The following GABRB3 variants were observed in gnomAD, a reference collection of about 807,000 sequenced individuals.
The protein encoded by GABRB3 is gamma-aminobutyric acid type A receptor subunit beta3, also known as gamma-aminobutyric acid receptor subunit beta-3.
A neutral mutation model predicts 52.1 loss-of-function variants in GABRB3; 14 were observed. The ratio of observed to expected loss-of-function variants is 0.27; its 90% CI spans 0.18 to 0.42. The LOEUF is 0.42. Among genes scored for constraint, GABRB3 ranks in the 10% least tolerant of loss-of-function variants. The pLI, the probability that GABRB3 is intolerant of heterozygous loss-of-function variation, is 1.00. For missense variants in GABRB3, 307 were observed against 609.1 expected, an observed-to-expected ratio of 0.50 and a Z score of 5.22; for synonymous variants, 260 against 232.3, an observed-to-expected ratio of 1.12 and a Z score of -1.08.
At chr15:26,624,314 C>T in intron 3 of GABRB3, 1 of 985,612 alleles carries the variant, frequency 1.0e-6, no homozygotes, top group Non-Finnish European at 1.2e-6. Context: ...TCTCTACTAT[C>T]ACCCTCCATG....
chr15:26,546,260 T>C lies in GABRB3; in HGVS notation c.*1533A>G, dbSNP rs1260902363. The C allele has an allele frequency of 3.9e-5, 6 of 152,660 alleles. No individual in the cohort carries two copies. The highest frequency in any genetic ancestry group is 1.4e-4 in the African/African-American group (6 of 41,462). The allele number at this position is 152,660 out of a possible 1,614,324, so 9.5% of individuals were successfully genotyped here. A position where few individuals can be genotyped will look rare whatever the true frequency, so the allele number is the denominator to read the frequency against. On this transcript the variant is annotated 3_prime_UTR_variant, in exon 9 of 9. Coordinates refer to ENST00000311550, the MANE Select transcript of GABRB3 (RefSeq NM_000814.6). ...GCACAACTGTAGTCATTTCAGTTTA[T>C]GGATGCCTGTGATAGAAATATTGTT...
chr15:26,728,105 A>C (rs1312453332), intron 3 of GABRB3, among the ~76,000 whole-genome samples: 2 of 152,194 alleles, frequency 1.3e-5, no homozygotes, highest in Non-Finnish European at 2.9e-5. Context: ...CTGCATCTAA[A>C]GGTAACATTT....
chr15:26,770,258 C>T (rs1477962412), intron 3 of GABRB3, among the ~76,000 whole-genome samples: 2 of 152,092 alleles, frequency 1.3e-5, no homozygotes, highest in African/African-American at 2.4e-5. Flanking sequence ...TACTGGGATC[C>T]TCAATATTTG....
chr15:26,661,840 C>T (rs1286632524), intron 3 of GABRB3, among the ~76,000 whole-genome samples: 4 of 151,990 alleles, frequency 2.6e-5, no homozygotes, highest in Non-Finnish European at 5.9e-5. Flanking sequence ...GTCCTCAGGC[C>T]GAAGTACTGC....
intron 3 of GABRB3, among the ~76,000 whole-genome samples, chr15:26,711,271 C>T (rs718304): frequency 0.068 from 10,393 of 152,138 alleles, 629 homozygotes; most frequent in East Asian, 0.37. Flanking sequence ...ATGAGGATGT[C>T]GGCTGGTCTT....
intron 3 of GABRB3, among the ~76,000 whole-genome samples, chr15:26,718,553 C>T (rs1325749112): frequency 2.6e-5 from 4 of 152,246 alleles, no homozygotes; most frequent in South Asian, 2.1e-4. Context: ...TCCATACTAA[C>T]GCTGCAAAAC....
chr15:26,597,792 A>C (rs1384562207), intron 4 of GABRB3, among the ~76,000 whole-genome samples: 1 of 152,256 alleles, frequency 6.6e-6, no homozygotes, highest in African/African-American at 2.4e-5. Flanking sequence ...AGCCACCAGG[A>C]AACAGTATCA....
At chr15:26,702,026 A>C (rs1032739033) in intron 3 of GABRB3, among the ~76,000 whole-genome samples, 2 of 152,226 alleles carry the variant, frequency 1.3e-5, no homozygotes, top group South Asian at 2.1e-4. Flanking sequence ...GTATATCCAT[A>C]GGCGAAAACA....
chr15:26,736,881 T>C (rs1270832953), intron 3 of GABRB3, among the ~76,000 whole-genome samples: 1 of 152,184 alleles, frequency 6.6e-6, no homozygotes, highest in Non-Finnish European at 1.5e-5. Flanking sequence ...AATGAGAACA[T>C]CCTTTGACTT....
intron 3 of GABRB3, among the ~76,000 whole-genome samples, chr15:26,692,212 C>G (rs1215559258): frequency 1.3e-5 from 2 of 152,202 alleles, no homozygotes; most frequent in Non-Finnish European, 2.9e-5. Flanking sequence ...TGGAGGTGAT[C>G]TTTCTCTTCT....
At chr15:26,666,102 T>C (rs1229812913) in intron 3 of GABRB3, among the ~76,000 whole-genome samples, 1 of 152,174 alleles carries the variant, frequency 6.6e-6, no homozygotes, top group East Asian at 1.9e-4. Context: ...AAGGAAAGCA[T>C]GCTTACATAA....
chr15:26,560,656 A>G (rs1359391470), intron 8 of GABRB3, among the ~76,000 whole-genome samples: 4 of 151,992 alleles, frequency 2.6e-5, no homozygotes, highest in South Asian at 2.1e-4. Context: ...TTTGTTGGCC[A>G]ATCCAACAGT....
intron 4 of GABRB3, among the ~76,000 whole-genome samples, chr15:26,610,152 T>A (rs1213833560): frequency 6.6e-6 from 1 of 152,172 alleles, no homozygotes; most frequent in Non-Finnish European, 1.5e-5. Flanking sequence ...TTTTCCCATA[T>A]ATAGATTTTT....
upstream of GABRB3, chr15:26,773,111 G>A (rs978900908): frequency 8.8e-6 from 7 of 795,266 alleles, no homozygotes; most frequent in African/African-American, 9.4e-5. Context: ...GGAGGGGGAG[G>A]AGCGGGCGCT....
chr15:26,649,934 C>A (rs11629819), intron 3 of GABRB3, among the ~76,000 whole-genome samples: 61,853 of 151,996 alleles, frequency 0.41, 14,196 homozygotes, highest in Middle Eastern at 0.54. Flanking sequence ...ATAAAACAGT[C>A]CAATTCTACG....
chr15:26,578,956 G>A lies in GABRB3; in HGVS notation c.682+1363C>T, dbSNP rs112806895. On this transcript the variant is annotated intron_variant, in intron 6 of 8. Transcript: ENST00000311550. ...GTAAACCTCTCAGTGCGTCTTCTCC[G>A]GAGAATGCAGGGACATCTGCAAGAC... 6.2e-4 allele frequency among the ~76,000 whole-genome samples: 95 copies of A among 152,314 alleles called. 1 individual carries two copies. Among genetic ancestry groups the A allele is most frequent in the African/African-American group, 2.0e-3 (84 of 41,570 alleles).
At chr15:26,691,439 T>C (rs1888585439) in intron 3 of GABRB3, among the ~76,000 whole-genome samples, 1 of 152,184 alleles carries the variant, frequency 6.6e-6, no homozygotes, top group Admixed American at 6.5e-5. Context: ...CCTCTGGCCC[T>C]ATTAGCATCC....
chr15:26,653,055 A>G (rs910865779), intron 3 of GABRB3, among the ~76,000 whole-genome samples: 5 of 152,134 alleles, frequency 3.3e-5, no homozygotes, highest in African/African-American at 1.2e-4. Flanking sequence ...CTTGCTTCCA[A>G]CCTCCAACCT....
At chr15:26,615,996 C>T (rs1892242409) in intron 4 of GABRB3, 1 of 1,289,086 alleles carries the variant, frequency 7.8e-7, no homozygotes, top group African/African-American at 1.5e-5. Context: ...AACCTTCCAC[C>T]ATGGGGAATT....
Sources: allele counts gnomAD v4.1 joint callset (sites outside exome capture counted in the v4.1 genomes callset), GRCh38; gene constraint gnomAD v4.1.1; transcripts MANE v1.5; gene names NCBI Gene and HGNC (gene_info 2026-07-23, HGNC 2026-07-21).